The following BABAM2 variants were observed in gnomAD, a reference collection of about 807,000 sequenced individuals.
BABAM2 encodes BRISC and BRCA1 A complex member 2, also known as BRISC and BRCA1-A complex member 2.
A neutral mutation model predicts 54.7 loss-of-function variants in BABAM2; 31 were observed. That is an observed-to-expected ratio of 0.57 (90% CI 0.43 to 0.77). The LOEUF is 0.77. Ranked by LOEUF, BABAM2 falls within the 30% of genes least tolerant of loss-of-function variation. The probability of loss-of-function intolerance (pLI) is 0.00; values close to 1 mark genes in which losing one functional copy is unlikely to be tolerated. For missense variants in BABAM2, 364 were observed against 455.8 expected (o/e 0.80, Z 1.83); for synonymous variants, 167 against 162.9 (o/e 1.03, Z -0.19).
intron 10 of BABAM2, 82 bp downstream of exon 10, chr2:28,244,944 T>G: frequency 8.4e-7 from 1 of 1,186,294 alleles, no homozygotes; most frequent in Admixed American, 2.0e-5. Flanking sequence ...ACTAGAACCT[T>G]TTCTGTCCTG....
intron 6 of BABAM2, among the ~76,000 whole-genome samples, chr2:28,103,969 A>G (rs1667290235): frequency 6.6e-6 from 1 of 151,978 alleles, no homozygotes; most frequent in African/African-American, 2.4e-5. Context: ...GTTATCATAA[A>G]CTCAATAAAC....
chr2:27,901,405 C>T (rs1236155001), intron 2 of BABAM2, among the ~76,000 whole-genome samples: 1 of 152,234 alleles, frequency 6.6e-6, no homozygotes, highest in Non-Finnish European at 1.5e-5. Flanking sequence ...ATTGCAGTGA[C>T]TCAACCTCAC....
intron 2 of BABAM2, among the ~76,000 whole-genome samples, chr2:27,897,876 T>C (rs1665467071): frequency 6.6e-6 from 1 of 152,232 alleles, no homozygotes; most frequent in Non-Finnish European, 1.5e-5. Context: ...CCATCTGTAA[T>C]TGAAGTCATC....
intron 5 of BABAM2, among the ~76,000 whole-genome samples, chr2:28,044,557 C>T (rs1470876477): frequency 6.6e-6 from 1 of 152,100 alleles, no homozygotes; most frequent in African/African-American, 2.4e-5. Flanking sequence ...AAACCACTTG[C>T]TAGGGTGTTT....
intron 7 of BABAM2, among the ~76,000 whole-genome samples, chr2:28,202,235 C>T (rs989147308): frequency 1.1e-4 from 16 of 152,060 alleles, no homozygotes; most frequent in African/African-American, 2.7e-4. Flanking sequence ...AATTCGTGAC[C>T]GGGGTACTGA....
chr2:27,954,482 A>C (rs1669949499), intron 3 of BABAM2, among the ~76,000 whole-genome samples: 1 of 152,208 alleles, frequency 6.6e-6, no homozygotes, highest in African/African-American at 2.4e-5. Flanking sequence ...TGAAATACTA[A>C]AAGATTCCAT....
intron 5 of BABAM2, among the ~76,000 whole-genome samples, chr2:28,036,767 T>A (rs760879643): frequency 2.6e-5 from 4 of 152,218 alleles, no homozygotes; most frequent in Non-Finnish European, 5.9e-5. Flanking sequence ...TTGTTCAAAT[T>A]AGTTTGAATT....
chr2:27,965,610 A>T lies in BABAM2; in HGVS notation c.206-22383A>T, dbSNP rs149746306. ...TAAAAAAAATCAATGCTAATCCTTA[A>T]ATCTTTTATTACTAGTCATTATTCA... On this transcript the variant is annotated intron_variant, in intron 3 of 11. Coordinates refer to ENST00000379624, the MANE Select transcript of BABAM2 (RefSeq NM_199191.3). Among the ~76,000 whole-genome samples, 29 of 152,266 alleles carry T rather than the reference A, an allele frequency of 1.9e-4. No homozygotes were observed. In the East Asian group the frequency reaches 4.3e-3, roughly 22 times the overall value.
intron 4 of BABAM2, among the ~76,000 whole-genome samples, chr2:28,020,952 G>GACACACACACAC (rs57086132): frequency 0.013 from 1,902 of 144,486 alleles, 21 homozygotes; most frequent in African/African-American, 0.016. Flanking sequence ...CTGTCTCTCT[G>GACACACACACAC]ACACACACAC....
intron 3 of BABAM2, among the ~76,000 whole-genome samples, chr2:27,955,403 G>A (rs1448319359): frequency 6.6e-6 from 1 of 152,158 alleles, no homozygotes. Flanking sequence ...ACTCATTGCT[G>A]CTTTCTTCCT....
intron 7 of BABAM2, among the ~76,000 whole-genome samples, chr2:28,214,014 T>G (rs932606324): frequency 1.3e-5 from 2 of 151,626 alleles, no homozygotes; most frequent in African/African-American, 4.8e-5. Context: ...TGGTGCAGAG[T>G]CTTATGCATC....
chr2:28,023,436 AT>A (rs946121914), intron 4 of BABAM2, among the ~76,000 whole-genome samples: 2 of 152,228 alleles, frequency 1.3e-5, no homozygotes, highest in Non-Finnish European at 2.9e-5. Context: ...TGTTAGGATC[AT>A]TTTAAGTTCT....
At chr2:27,932,169 T>G (rs1668142812) in intron 3 of BABAM2, among the ~76,000 whole-genome samples, 1 of 152,178 alleles carries the variant, frequency 6.6e-6, no homozygotes, top group African/African-American at 2.4e-5. Context: ...CTTGCTCAGA[T>G]TCTATTCCTC....
intron 4 of BABAM2, among the ~76,000 whole-genome samples, chr2:28,014,607 CTTTT>C (rs879108202): frequency 8.1e-6 from 1 of 124,058 alleles, no homozygotes. Context: ...CTTTCTTTTT[CTTTT>C]TTTTTTTTTG....
chr2:28,199,890 A>G (rs926450051), intron 7 of BABAM2, among the ~76,000 whole-genome samples: 2 of 152,180 alleles, frequency 1.3e-5, no homozygotes, highest in African/African-American at 2.4e-5. Flanking sequence ...GCACCAAGGC[A>G]TTGTGTGGAG....
chr2:28,154,883 T>G (rs1672400150), intron 7 of BABAM2, among the ~76,000 whole-genome samples: 1 of 152,230 alleles, frequency 6.6e-6, no homozygotes, highest in African/African-American at 2.4e-5. Context: ...TTGTCTTTTC[T>G]TAAGTAAACA....
At chr2:28,290,618 T>A (rs974245687) in intron 10 of BABAM2, among the ~76,000 whole-genome samples, 1 of 152,212 alleles carries the variant, frequency 6.6e-6, no homozygotes, top group Non-Finnish European at 1.5e-5. Flanking sequence ...AATAACTAAT[T>A]CACAGCCCCT....
At chr2:28,208,029 CTGTGTGTGTGTGTGTGTG>C (rs4043353) in intron 7 of BABAM2, among the ~76,000 whole-genome samples, 2 of 149,714 alleles carry the variant, frequency 1.3e-5, no homozygotes, top group African/African-American at 2.5e-5. Context: ...GTGTTAAAGG[CTGTGTGTGTGTGTGTGTG>C]TGTGTGTGTG....
At chr2:28,045,286 G>C (rs1677471740) in intron 5 of BABAM2, among the ~76,000 whole-genome samples, 1 of 152,124 alleles carries the variant, frequency 6.6e-6, no homozygotes, top group Non-Finnish European at 1.5e-5. Context: ...TGTACATCCA[G>C]AAAGGATGGT....
Sources: allele counts gnomAD v4.1 joint callset (sites outside exome capture counted in the v4.1 genomes callset), GRCh38; gene constraint gnomAD v4.1.1; transcripts MANE v1.5; gene names NCBI Gene and HGNC (gene_info 2026-07-23, HGNC 2026-07-21).